The following MAP3K7CL variants were observed in gnomAD, a reference collection of about 807,000 sequenced individuals.
MAP3K7CL encodes the protein MAP3K7 C-terminal like.
In MAP3K7CL, 16 loss-of-function variants were observed where a neutral mutation model predicts 18.6. That is an observed-to-expected ratio of 0.86 (90% confidence interval 0.58 to 1.31). The LOEUF is 1.31. Ranked by LOEUF, MAP3K7CL falls within the 50% of genes most tolerant of loss-of-function variation. The pLI, the probability that MAP3K7CL is intolerant of heterozygous loss-of-function variation, is 0.00. For missense variants in MAP3K7CL, 163 were observed against 174.4 expected (o/e 0.93, Z 0.37); for synonymous variants, 65 against 66.8 (o/e 0.97, Z 0.13).
chr21:29,080,230 TCTA>T (rs1419427990), intron 1 of MAP3K7CL, among the ~76,000 whole-genome samples: 2 of 152,248 alleles, frequency 1.3e-5, no homozygotes, highest in African/African-American at 4.8e-5. Context: ...CATGGGGTCT[TCTA>T]CTGCAAGGCT....
intron 3 of MAP3K7CL, among the ~76,000 whole-genome samples, chr21:29,150,433 C>T (rs1329602215): frequency 6.6e-6 from 1 of 152,282 alleles, no homozygotes; most frequent in South Asian, 2.1e-4. Flanking sequence ...CTCATTCTCA[C>T]CTTTGTAGCA....
intron 4 of MAP3K7CL, among the ~76,000 whole-genome samples, chr21:29,167,147 C>T: frequency 6.6e-6 from 1 of 152,188 alleles, no homozygotes; most frequent in East Asian, 1.9e-4. Flanking sequence ...TCTCTGATGG[C>T]TAATGATGTT....
rs1293349105 is a variant in MAP3K7CL at position 29,133,342 on chromosome 21, C to T, written c.-3C>T. The stretch of plus-strand genomic sequence containing the variant: ...AGGAGAAGGCGGAGGCTCAGGTGCC[C>T]ACATGATCAGCACAGCCAGGGTACC... On this transcript the variant is annotated 5_prime_UTR_variant, in exon 2 of 5. Transcript: ENST00000399928. 4.5e-6 allele frequency: 7 copies of T among 1,550,476 alleles called. No individual in the cohort carries two copies. Among genetic ancestry groups the T allele is most frequent in the South Asian group, 1.2e-5 (1 of 84,044 alleles).
intron 4 of MAP3K7CL, among the ~76,000 whole-genome samples, chr21:29,173,355 A>G (rs983771741): frequency 6.6e-6 from 1 of 152,204 alleles, no homozygotes; most frequent in African/African-American, 2.4e-5. Context: ...TTAGGGCACA[A>G]GATCTTTGAA....
chr21:29,082,942 T>C (rs1381396594), upstream of MAP3K7CL, among the ~76,000 whole-genome samples: 1 of 152,182 alleles, frequency 6.6e-6, no homozygotes, highest in Non-Finnish European at 1.5e-5. Flanking sequence ...TGAGCTTTTT[T>C]TTTTTCTTGA....
At chr21:29,169,161 C>T (rs970777092) in intron 4 of MAP3K7CL, among the ~76,000 whole-genome samples, 3 of 152,196 alleles carry the variant, frequency 2.0e-5, no homozygotes, top group Admixed American at 6.5e-5. Context: ...CAGTGCCCAA[C>T]GACAAAGAAT....
intron 1 of MAP3K7CL, chr21:29,091,455 G>T: frequency 3.1e-6 from 2 of 641,138 alleles, no homozygotes. Flanking sequence ...ATTTTCCTGA[G>T]TGTACATTTT....
intron 4 of MAP3K7CL, among the ~76,000 whole-genome samples, chr21:29,123,213 C>T (rs1270259222): frequency 1.3e-5 from 2 of 151,938 alleles, no homozygotes; most frequent in African/African-American, 4.8e-5. Context: ...CAGGTGCCCA[C>T]CACCAGGCCT....
intron 2 of MAP3K7CL, among the ~76,000 whole-genome samples, chr21:29,138,637 C>T (rs1189634805): frequency 6.6e-6 from 1 of 152,102 alleles, no homozygotes; most frequent in East Asian, 1.9e-4. Context: ...TAGAAAGAGT[C>T]AAGAATACTA....
chr21:29,147,686 G>A (rs955774445), intron 2 of MAP3K7CL, among the ~76,000 whole-genome samples: 3 of 151,318 alleles, frequency 2.0e-5, no homozygotes, highest in Admixed American at 1.3e-4. Context: ...TATTGTATAT[G>A]TATGTGTATG....
At chr21:29,103,673 T>C (rs901706148) in intron 4 of MAP3K7CL, among the ~76,000 whole-genome samples, 22 of 151,680 alleles carry the variant, frequency 1.5e-4, no homozygotes, top group African/African-American at 5.3e-4. Context: ...AGGTGGAGGT[T>C]GCAGTGAGCC....
intron 4 of MAP3K7CL, among the ~76,000 whole-genome samples, chr21:29,114,742 AAATAAT>A (rs886594601): frequency 1.3e-5 from 2 of 152,140 alleles, no homozygotes; most frequent in African/African-American, 4.8e-5. Context: ...AAATGACGGC[AAATAAT>A]AATAATAATA....
chr21:29,115,815 G>A (rs1476187036), intron 4 of MAP3K7CL, among the ~76,000 whole-genome samples: 3 of 152,218 alleles, frequency 2.0e-5, no homozygotes, highest in Admixed American at 6.5e-5. Context: ...GGCCCTGCTC[G>A]CAGGATCACT....
chr21:29,113,075 G>A (rs186607822), intron 4 of MAP3K7CL, among the ~76,000 whole-genome samples: 2 of 152,232 alleles, frequency 1.3e-5, no homozygotes, highest in East Asian at 3.9e-4. Context: ...GATTACAGGC[G>A]TGAGCCACTG....
At chr21:29,157,899 TG>T in intron 3 of MAP3K7CL, among the ~76,000 whole-genome samples, 1 of 152,252 alleles carries the variant, frequency 6.6e-6, no homozygotes, top group East Asian at 1.9e-4. Flanking sequence ...TTTACACGGC[TG>T]CTCTCTATGT....
chr21:29,091,016 G>T (rs770902749), intron 1 of MAP3K7CL, among the ~76,000 whole-genome samples: 1 of 151,980 alleles, frequency 6.6e-6, no homozygotes, highest in Non-Finnish European at 1.5e-5. Flanking sequence ...ACATTTTATT[G>T]AATATTTTAC....
chr21:29,128,341 C>T (rs909659894), upstream of MAP3K7CL, among the ~76,000 whole-genome samples: 6 of 149,872 alleles, frequency 4.0e-5, no homozygotes, highest in South Asian at 6.3e-4. Flanking sequence ...CTCACTCTGT[C>T]GCCCAGGCTG....
intron 4 of MAP3K7CL, among the ~76,000 whole-genome samples, chr21:29,110,223 A>C (rs1394559629): frequency 1.3e-5 from 2 of 152,178 alleles, no homozygotes; most frequent in Non-Finnish European, 2.9e-5. Context: ...TAGAACATAT[A>C]TTCATATTTC....
At chr21:29,133,453 C>T (rs768587521) in intron 2 of MAP3K7CL, 39 bp downstream of exon 2, 106 of 1,430,126 alleles carry the variant, frequency 7.4e-5, no homozygotes, top group Admixed American at 1.1e-4. Flanking sequence ...TTCCTTCATA[C>T]CCCACCTTTC....
Sources: gnomAD v4.1 joint callset for allele counts (sites outside exome capture counted in the v4.1 genomes callset) on GRCh38, gnomAD v4.1.1 for gene constraint, MANE v1.5 for transcripts, NCBI Gene and HGNC (gene_info 2026-07-23, HGNC 2026-07-21) for gene names.